Variants in DPF3 observed in about 807,000 individuals in gnomAD.
The protein encoded by DPF3 is double PHD fingers 3.
In DPF3, 18 loss-of-function variants were observed where a neutral mutation model predicts 56.8. The observed-to-expected ratio is 0.32, with a 90% confidence interval of 0.22 to 0.47. The LOEUF is 0.47. Among genes scored for constraint, DPF3 ranks in the 20% least tolerant of loss-of-function variants. DPF3 has a pLI of 1.00. For synonymous variants in DPF3, 188 were observed against 180.2 expected, an observed-to-expected ratio of 1.04 and a Z score of -0.35; for missense variants, 403 against 488.8, an observed-to-expected ratio of 0.82 and a Z score of 1.65.
At chr14:72,741,443 G>A (rs1327830470) in intron 3 of DPF3, among the ~76,000 whole-genome samples, 1 of 152,222 alleles carries the variant, frequency 6.6e-6, no homozygotes, top group Non-Finnish European at 1.5e-5. Context: ...GCAGAGCAAG[G>A]ATATTTGGAC....
At chr14:72,741,218 T>C (rs115377654) in intron 3 of DPF3, among the ~76,000 whole-genome samples, 1,639 of 152,098 alleles carry the variant, frequency 0.011, 29 homozygotes, top group African/African-American at 0.037. Context: ...AGTGTGGAGG[T>C]AGAATCACAG....
chr14:72,662,911 T>G lies in DPF3; in HGVS notation c.871+11329A>C, dbSNP rs1305972730. 1.7e-5 allele frequency: 14 copies of G among 828,150 alleles called. No individual in the cohort carries two copies. In the African/African-American group the frequency reaches 2.2e-4, roughly 13 times the overall value. The allele number at this position is 828,150 out of a possible 1,614,324, so 51.3% of individuals were successfully genotyped here. ...ACTACTTAAAAAAGAAAGATGAAAA[T>G]TAAGGGGTGACAGAAATGAAATGAA... On this transcript the variant is annotated intron_variant, in intron 8 of 10. Transcript: ENST00000556509.
chr14:72,888,403 A>G (rs754741224), intron 1 of DPF3, among the ~76,000 whole-genome samples: 16 of 152,168 alleles, frequency 1.1e-4, no homozygotes, highest in African/African-American at 2.7e-4. Context: ...AGCTCCATTC[A>G]TCCATATGGT....
At chr14:72,719,847 G>T (rs893658760) in intron 5 of DPF3, among the ~76,000 whole-genome samples, 2 of 152,184 alleles carry the variant, frequency 1.3e-5, no homozygotes, top group Admixed American at 1.3e-4. Flanking sequence ...CACCATCACA[G>T]AGGTTACATA....
chr14:72,766,424 C>T (rs1264415802), intron 2 of DPF3, among the ~76,000 whole-genome samples: 1 of 152,152 alleles, frequency 6.6e-6, no homozygotes, highest in Non-Finnish European at 1.5e-5. Context: ...TATCTATCTA[C>T]CTATCTATCT....
At chr14:72,739,172 G>A (rs2109793) in intron 3 of DPF3, among the ~76,000 whole-genome samples, 1 of 151,548 alleles carries the variant, frequency 6.6e-6, no homozygotes, top group East Asian at 1.9e-4. Flanking sequence ...AACCTGGAAG[G>A]GGGAGGTTGC....
intron 1 of DPF3, among the ~76,000 whole-genome samples, chr14:72,853,756 T>C (rs1289313632): frequency 6.6e-6 from 1 of 152,176 alleles, no homozygotes; most frequent in Admixed American, 6.5e-5. Context: ...TGAGCCACCA[T>C]GCCCGGCCTG....
Position 72,840,419 on chromosome 14 carries a change from C to T in DPF3, c.32+53638G>A, listed in dbSNP as rs764859266. On this transcript the variant is annotated intron_variant, in intron 1 of 10. Transcript: ENST00000556509. ...AGCATCATATCACTGATACTATTCT[C>T]CTACGCCCTACCCTCCCACATGGCT... Among the ~76,000 whole-genome samples, 57 of 152,062 alleles carry T rather than the reference C, an allele frequency of 3.7e-4. 1 individual carries two copies. The highest frequency in any genetic ancestry group is 6.9e-4 in the Non-Finnish European group (47 of 68,022).
chr14:72,893,532 GA>G (rs1231770467), intron 1 of DPF3, among the ~76,000 whole-genome samples: 2 of 152,134 alleles, frequency 1.3e-5, no homozygotes, highest in African/African-American at 4.8e-5. Flanking sequence ...GGAAGGCGAA[GA>G]GCGCCCTGCA....
intron 7 of DPF3, among the ~76,000 whole-genome samples, chr14:72,685,733 A>G (rs977073994): frequency 5.3e-5 from 8 of 152,186 alleles, no homozygotes; most frequent in Non-Finnish European, 7.3e-5. Flanking sequence ...TGTCTGACAC[A>G]CTTAAGGAAT....
intron 6 of DPF3, 90 bp downstream of exon 6, chr14:72,714,333 G>A: frequency 6.6e-7 from 1 of 1,514,480 alleles, no homozygotes; most frequent in African/African-American, 1.4e-5. Context: ...CACTGAGGTT[G>A]GCAGGCGGAT....
chr14:72,756,513 G>A (rs1468662385), intron 2 of DPF3, among the ~76,000 whole-genome samples: 2 of 152,158 alleles, frequency 1.3e-5, no homozygotes, highest in African/African-American at 4.8e-5. Flanking sequence ...AAATGGGAGA[G>A]AAAAGAGAGG....
chr14:72,762,448 C>G (rs1198606388), intron 2 of DPF3, among the ~76,000 whole-genome samples: 1 of 151,588 alleles, frequency 6.6e-6, no homozygotes, highest in Non-Finnish European at 1.5e-5. Context: ...TTTAATCAAC[C>G]ATTCCTACAT....
intron 1 of DPF3, among the ~76,000 whole-genome samples, chr14:72,878,066 G>A (rs1307195166): frequency 6.6e-6 from 1 of 152,068 alleles, no homozygotes; most frequent in Non-Finnish European, 1.5e-5. Context: ...GCCCATATTT[G>A]GCACACCATC....
intron 1 of DPF3, among the ~76,000 whole-genome samples, chr14:72,860,521 G>T (rs1885353801): frequency 6.6e-6 from 1 of 151,174 alleles, no homozygotes; most frequent in African/African-American, 2.4e-5. Flanking sequence ...TATAAGGCTT[G>T]TTATACAAAA....
At chr14:72,749,885 A>G (rs1032256706) in intron 3 of DPF3, among the ~76,000 whole-genome samples, 2 of 151,784 alleles carry the variant, frequency 1.3e-5, no homozygotes, top group African/African-American at 2.4e-5. Context: ...AAAGTAAGAA[A>G]GAGAGAGAGA....
chr14:72,703,888 G>T (rs1888291732), intron 6 of DPF3, among the ~76,000 whole-genome samples: 1 of 152,174 alleles, frequency 6.6e-6, no homozygotes, highest in Admixed American at 6.5e-5. Context: ...CACAACTGGG[G>T]CCCCAGCTTA....
intron 3 of DPF3, among the ~76,000 whole-genome samples, chr14:72,748,198 G>C (rs1002737035): frequency 6.6e-6 from 1 of 152,230 alleles, no homozygotes; most frequent in African/African-American, 2.4e-5. Flanking sequence ...TAAAGTCCAG[G>C]TTAGGGTGGT....
intron 3 of DPF3, among the ~76,000 whole-genome samples, chr14:72,749,369 A>T (rs1025693422): frequency 9.9e-5 from 15 of 152,274 alleles, no homozygotes; most frequent in African/African-American, 3.4e-4. Context: ...CTGTACCCCC[A>T]TTGTATCTAG....
Sources: gnomAD v4.1 joint callset for allele counts (sites outside exome capture counted in the v4.1 genomes callset) on GRCh38, gnomAD v4.1.1 for gene constraint, MANE v1.5 for transcripts, NCBI Gene and HGNC (gene_info 2026-07-23, HGNC 2026-07-21) for gene names.